Variants in RXFP1 observed in about 807,000 individuals in gnomAD.
RXFP1 encodes the protein relaxin receptor 1.
In RXFP1, 73 loss-of-function variants were observed where a neutral mutation model predicts 89.8. The ratio of observed to expected loss-of-function variants is 0.81; its 90% CI spans 0.67 to 0.99. The LOEUF (loss-of-function observed/expected upper bound fraction) is 0.99, where lower values mean the gene tolerates loss of function less well. RXFP1 is among the 50% of genes least tolerant of loss of function. RXFP1 has a pLI of 0.00. For missense variants in RXFP1, 793 were observed against 895.5 expected, an observed-to-expected ratio of 0.89 and a Z score of 1.46; for synonymous variants, 277 against 305.5, an observed-to-expected ratio of 0.91 and a Z score of 0.97.
At chr4:158,531,198 C>A (rs761339471) in intron 1 of RXFP1, among the ~76,000 whole-genome samples, 1 of 152,044 alleles carries the variant, frequency 6.6e-6, no homozygotes, top group Non-Finnish European at 1.5e-5. Context: ...ACCATGCCTA[C>A]CTATTTAAAA....
At chr4:158,622,719 TGAG>T (rs1448192684) in intron 9 of RXFP1, among the ~76,000 whole-genome samples, 1 of 152,034 alleles carries the variant, frequency 6.6e-6, no homozygotes, top group Non-Finnish European at 1.5e-5. Context: ...GCAGGGGGAA[TGAG>T]GAGATGTAGG....
chr4:158,629,413 A>T (rs1767582957), intron 11 of RXFP1, among the ~76,000 whole-genome samples: 1 of 152,166 alleles, frequency 6.6e-6, no homozygotes, highest in African/African-American at 2.4e-5. Context: ...ACCTATAATA[A>T]TGGAAGAGAT....
Position 158,651,849 on chromosome 4 carries a change from G to T in RXFP1, c.2068G>T (p.Glu690Ter). 6.2e-7 allele frequency: 1 copy of T among 1,614,086 alleles called. No individual in the cohort carries two copies. The highest frequency in any genetic ancestry group is 8.5e-7 in the Non-Finnish European group (1 of 1,180,002). Residue 690 changes from glutamate (E) to a stop codon, truncating the protein, a stop_gained, in exon 18 of 18, where the codon GAA becomes TAA. Coordinates refer to ENST00000307765, the MANE Select transcript of RXFP1 (RefSeq NM_021634.4). LOFTEE classifies it high-confidence loss of function. ...TACTCTGACCACAAGACCATTTAAA[G>T]AAATGATTCATCGGTTTTGGTATAA... ...LYTLTTRPFKEMIHRFWYNYR... is the reference protein window; with the variant it reads ...LYTLTTRPFK
At chr4:158,527,374 C>T (rs945725723) in intron 1 of RXFP1, among the ~76,000 whole-genome samples, 1 of 151,408 alleles carries the variant, frequency 6.6e-6, no homozygotes, top group Non-Finnish European at 1.5e-5. Flanking sequence ...GAAACCCCGT[C>T]TCTACTAAAA....
intron 2 of RXFP1, among the ~76,000 whole-genome samples, chr4:158,582,574 T>G (rs569365240): frequency 1.3e-5 from 2 of 152,188 alleles, no homozygotes; most frequent in South Asian, 2.1e-4. Flanking sequence ...ACAGGAAACA[T>G]TTAGTACACC....
upstream of RXFP1, chr4:158,521,810 T>C: frequency 1.8e-6 from 1 of 548,840 alleles, no homozygotes; most frequent in Admixed American, 3.6e-5. Flanking sequence ...AAAAGAGGAA[T>C]GGAAAGAGAC....
In RXFP1 at chr4:158,628,537, C is replaced by G. The variant is rs190900236; in HGVS notation, c.828-101C>G. The stretch of plus-strand genomic sequence containing the variant: ...AAAATGTCTTTATGTGAAAAATGTA[C>G]TGTATATTCATTATCTTTGTTTCTG... On this transcript the variant is annotated intron_variant, in intron 10 of 17. Coordinates refer to ENST00000307765, the MANE Select transcript of RXFP1 (RefSeq NM_021634.4). 5.9e-5 allele frequency: 29 copies of G among 490,562 alleles called. No individual in the cohort carries two copies. The East Asian group carries it at 9.4e-4, about 16-fold the overall frequency. The allele number at this position is 490,562 out of a possible 1,614,324, so 30.4% of individuals were successfully genotyped here. A position where few individuals can be genotyped will look rare whatever the true frequency, so the allele number is the denominator to read the frequency against.
Position 158,612,132 on chromosome 4 carries a change from A to G in RXFP1, c.539A>G (p.Tyr180Cys), listed in dbSNP as rs1763695077. The stretch of plus-strand genomic sequence containing the variant: ...TGTAGTTATTTCTCCTTTTCCAGGT[A>G]TCTCAGTCATAACAGAATAACCTTC... ...FRGLNSLTKL[Y>C]LSHNRITFLK... is the part of the protein sequence containing the mutation. Residue 180 changes from tyrosine to cysteine, a missense_variant and splice_region_variant, in exon 7 of 18, where the codon TAT becomes TGT. Transcript: ENST00000307765. 6.2e-7 allele frequency: 1 copy of G among 1,600,714 alleles called. No homozygotes were observed. Among genetic ancestry groups the G allele is most frequent in the East Asian group, 2.2e-5 (1 of 44,710 alleles).
At chr4:158,542,821 T>C (rs1227400557) in intron 1 of RXFP1, among the ~76,000 whole-genome samples, 4 of 152,152 alleles carry the variant, frequency 2.6e-5, no homozygotes, top group African/African-American at 2.4e-5. Context: ...CTGTATCAGT[T>C]AGAAAGGCAT....
At chr4:158,570,880 C>A (rs541986261) in intron 1 of RXFP1, among the ~76,000 whole-genome samples, 7 of 152,272 alleles carry the variant, frequency 4.6e-5, no homozygotes, top group South Asian at 4.1e-4. Flanking sequence ...GCTCACTGGG[C>A]TCCATCACCA....
At chr4:158,543,868 TTGC>T (rs1215192641) in intron 1 of RXFP1, 4 of 985,354 alleles carry the variant, frequency 4.1e-6, no homozygotes, top group Non-Finnish European at 4.8e-6. Flanking sequence ...CATGCCAAAT[TTGC>T]CCATCAATTT....
chr4:158,627,771 G>A (rs527608909), intron 10 of RXFP1, among the ~76,000 whole-genome samples: 1 of 152,036 alleles, frequency 6.6e-6, no homozygotes, highest in East Asian at 1.9e-4. Flanking sequence ...CAGGGTGCTT[G>A]ATATAAATAA....
chr4:158,559,460 T>C (rs1430320613), intron 1 of RXFP1, among the ~76,000 whole-genome samples: 1 of 152,128 alleles, frequency 6.6e-6, no homozygotes. Context: ...TTACTGAAGG[T>C]CACAGATCTA....
At chr4:158,628,815 T>G in intron 11 of RXFP1, 106 bp downstream of exon 11, 3 of 526,234 alleles carry the variant, frequency 5.7e-6, no homozygotes, top group South Asian at 7.7e-5. Context: ...TATCTCCTCT[T>G]TCTAAGCATT....
At chr4:158,649,333 C>T (rs2150274544) in intron 17 of RXFP1, among the ~76,000 whole-genome samples, 1 of 152,284 alleles carries the variant, frequency 6.6e-6, no homozygotes, top group South Asian at 2.1e-4. Context: ...CAAAACAATT[C>T]TTAAATAATT....
rs564562229 is a variant in RXFP1 at position 158,651,971 on chromosome 4, T to C, written c.2190T>C (p.Pro730=). Residue 730 remains proline (P), a synonymous_variant, in exon 18 of 18, where the codon CCT becomes CCC. Transcript: ENST00000307765. The stretch of plus-strand genomic sequence containing the variant: ...TGTGGCCACTGCAGGAGATGCCACC[T>C]GAGTTAATGAAGCCGGACCTTTTCA... ...VEMWPLQEMP[P]ELMKPDLFTY... 24 of 1,614,064 alleles carry C rather than the reference T, an allele frequency of 1.5e-5. No homozygotes were observed. The South Asian group carries it at 2.1e-4, about 14-fold the overall frequency.
At chr4:158,585,238 C>T (rs1035595563) in intron 2 of RXFP1, among the ~76,000 whole-genome samples, 1 of 152,208 alleles carries the variant, frequency 6.6e-6, no homozygotes, top group Non-Finnish European at 1.5e-5. Flanking sequence ...CTCATTTCAT[C>T]ATACCAGCAT....
At chr4:158,556,499 A>G (rs1387057874) in intron 1 of RXFP1, among the ~76,000 whole-genome samples, 1 of 152,182 alleles carries the variant, frequency 6.6e-6, no homozygotes, top group Non-Finnish European at 1.5e-5. Context: ...ATGGAAAACT[A>G]TGGAGATTCC....
chr4:158,570,884 A>G (rs937367448), intron 1 of RXFP1, among the ~76,000 whole-genome samples: 1 of 152,100 alleles, frequency 6.6e-6, no homozygotes, highest in African/African-American at 2.4e-5. Context: ...ACTGGGCTCC[A>G]TCACCACAAC....
Sources: allele counts gnomAD v4.1 joint callset (sites outside exome capture counted in the v4.1 genomes callset), GRCh38; gene constraint gnomAD v4.1.1; transcripts MANE v1.5; gene names NCBI Gene and HGNC (gene_info 2026-07-23, HGNC 2026-07-21).